The following THSD7A variants were observed in gnomAD, a reference collection of about 807,000 sequenced individuals.
THSD7A encodes thrombospondin type 1 domain containing 7A, also known as thrombospondin type-1 domain-containing protein 7A.
A neutral mutation model predicts 231.3 loss-of-function variants in THSD7A; 96 were observed. That is an observed-to-expected ratio of 0.41 (90% CI 0.35 to 0.49). THSD7A has a LOEUF of 0.49. Ranked by LOEUF, THSD7A falls within the 20% of genes least tolerant of loss-of-function variation. THSD7A has a pLI of 0.05. For synonymous variants in THSD7A, 940 were observed against 743.3 expected, an observed-to-expected ratio of 1.26 and a Z score of -4.30; for missense variants, 2,290 against 2,070.2, an observed-to-expected ratio of 1.11 and a Z score of -2.06.
At chr7:11,816,847 G>T (rs113011079) in intron 1 of THSD7A, among the ~76,000 whole-genome samples, 3 of 152,192 alleles carry the variant, frequency 2.0e-5, no homozygotes, top group African/African-American at 7.2e-5. Flanking sequence ...ATGAAGTCCT[G>T]TGTGATAATT....
chr7:11,425,670 TAAATA>T (rs1784294312), intron 15 of THSD7A, among the ~76,000 whole-genome samples: 1 of 151,782 alleles, frequency 6.6e-6, no homozygotes, highest in South Asian at 2.1e-4. Context: ...ACTCAAGCAT[TAAATA>T]AAATTCTTTG....
intron 6 of THSD7A, among the ~76,000 whole-genome samples, chr7:11,520,573 T>G (rs1440384584): frequency 6.6e-6 from 1 of 152,194 alleles, no homozygotes; most frequent in Non-Finnish European, 1.5e-5. Flanking sequence ...CATGCAAATA[T>G]CAAGTGCTTG....
rs187940847 is a variant in THSD7A, at chr7:11,392,349, C to T, written c.4411+9446G>A. ...CCATGAGGAATGGTGCATTCCGGCC[C>T]AGATACTATGCTTTTCTCATGGTCT... On this transcript the variant is annotated intron_variant, in intron 23 of 27. Transcript: ENST00000423059. 3.5e-3 allele frequency among the ~76,000 whole-genome samples: 529 copies of T among 152,194 alleles called. 10 individuals are homozygous for T. Among genetic ancestry groups the T allele is most frequent in the Non-Finnish European group, 2.6e-3 (179 of 68,018 alleles).
At chr7:11,715,488 A>G (rs1363927135) in intron 1 of THSD7A, among the ~76,000 whole-genome samples, 2 of 151,526 alleles carry the variant, frequency 1.3e-5, no homozygotes, top group East Asian at 3.9e-4. Flanking sequence ...AACTAGTTAG[A>G]AATAGATATA....
At chr7:11,520,276 TTGTC>T (rs901370668) in intron 6 of THSD7A, 3 of 152,206 alleles carry the variant, frequency 2.0e-5, no homozygotes, top group African/African-American at 7.2e-5. Context: ...TGCTAGTTCT[TTGTC>T]TGCAAAATGG....
At chr7:11,788,451 T>A (rs777188254) in intron 1 of THSD7A, among the ~76,000 whole-genome samples, 15 of 152,048 alleles carry the variant, frequency 9.9e-5, no homozygotes, top group Non-Finnish European at 2.2e-4. Flanking sequence ...TCATGCCCAT[T>A]TTGTTTCCTG....
At chr7:11,595,312 G>A (rs576284893) in intron 2 of THSD7A, among the ~76,000 whole-genome samples, 1 of 152,266 alleles carries the variant, frequency 6.6e-6, no homozygotes, top group South Asian at 2.1e-4. Context: ...AATATAAACA[G>A]AAATCTGCAG....
At chr7:11,472,726 T>C (rs1189258326) in intron 8 of THSD7A, among the ~76,000 whole-genome samples, 1 of 152,140 alleles carries the variant, frequency 6.6e-6, no homozygotes, top group Non-Finnish European at 1.5e-5. Flanking sequence ...CATCCATTAC[T>C]CAGGAAAAAT....
intron 1 of THSD7A, among the ~76,000 whole-genome samples, chr7:11,745,810 G>A (rs1282649008): frequency 6.6e-6 from 1 of 152,018 alleles, no homozygotes. Context: ...CTATATCTCT[G>A]TTTTGGTACC....
At chr7:11,529,681 G>C (rs567943349) in intron 6 of THSD7A, among the ~76,000 whole-genome samples, 5 of 152,098 alleles carry the variant, frequency 3.3e-5, no homozygotes, top group Non-Finnish European at 7.4e-5. Flanking sequence ...AGTTTTCTGA[G>C]TGAGGCCTCT....
At chr7:11,573,006 G>A (rs1790714056) in intron 4 of THSD7A, among the ~76,000 whole-genome samples, 1 of 152,030 alleles carries the variant, frequency 6.6e-6, no homozygotes, top group Non-Finnish European at 1.5e-5. Flanking sequence ...TTTAATTATT[G>A]GCAGATCCTA....
intron 1 of THSD7A, among the ~76,000 whole-genome samples, chr7:11,769,153 A>ATATTTTTTTTTTTTTTTTTTTTTTTTTTT: frequency 3.6e-5 from 1 of 27,648 alleles, no homozygotes; most frequent in Non-Finnish European, 7.0e-5. Context: ...ATATATATAT[A>ATATTTTTTTTTTTTTTTTTTTTTTTTTTT]TTTTTTTTTT....
At chr7:11,767,921 G>C (rs1266627056) in intron 1 of THSD7A, among the ~76,000 whole-genome samples, 2 of 152,118 alleles carry the variant, frequency 1.3e-5, no homozygotes, top group Non-Finnish European at 2.9e-5. Context: ...ATGACTTTAA[G>C]ACATCATAGA....
intron 1 of THSD7A, among the ~76,000 whole-genome samples, chr7:11,701,491 AAAAT>A (rs1293559474): frequency 2.9e-4 from 44 of 151,382 alleles, no homozygotes; most frequent in African/African-American, 1.0e-3. Flanking sequence ...TCAAAAATAG[AAAAT>A]AAATAAACAT....
At chr7:11,572,986 T>A (rs748376500) in intron 4 of THSD7A, among the ~76,000 whole-genome samples, 1 of 152,226 alleles carries the variant, frequency 6.6e-6, no homozygotes, top group African/African-American at 2.4e-5. Context: ...AGTTTTGTTC[T>A]GTCAAACAGT....
chr7:11,641,373 A>G (rs1489574360), intron 1 of THSD7A, among the ~76,000 whole-genome samples: 3 of 152,124 alleles, frequency 2.0e-5, no homozygotes, highest in Admixed American at 6.6e-5. Context: ...TTAATATCCC[A>G]GGCATTATAT....
intron 6 of THSD7A, among the ~76,000 whole-genome samples, chr7:11,497,308 T>G (rs1212891101): frequency 6.6e-6 from 1 of 152,162 alleles, no homozygotes; most frequent in East Asian, 1.9e-4. Context: ...CAATTTAAAA[T>G]GAGATTTGGT....
At chr7:11,650,411 A>G (rs1782452454) in intron 1 of THSD7A, among the ~76,000 whole-genome samples, 1 of 152,080 alleles carries the variant, frequency 6.6e-6, no homozygotes, top group African/African-American at 2.4e-5. Context: ...GCATCCCAAG[A>G]TACCAAAAAA....
rs769448862 is a variant in THSD7A, at chr7:11,406,365, A to G, written c.4172T>C (p.Ile1391Thr). ...KVVDEEFCAD[I>T]ELIIDGNKNM... Reference sequence around the variant, plus strand: ...TTTATTACCATCTATAATGAGTTCAATGTCAGCACAGAATTCCTCATCCAC... The same window carrying G: ...TTTATTACCATCTATAATGAGTTCAGTGTCAGCACAGAATTCCTCATCCAC... Residue 1391 changes from isoleucine to threonine, a missense_variant, in exon 22 of 28, where the codon ATT (isoleucine) becomes ACT (threonine). By Grantham distance (89) the Ile-to-Thr change is moderately conservative. Transcript: ENST00000423059. The surrounding 1 kb of genome is among the most constrained non-coding windows in gnomAD (Gnocchi z 4.7). The G allele has an allele frequency of 9.9e-6, 16 of 1,613,988 alleles. No homozygotes were observed. The highest frequency in any genetic ancestry group is 1.7e-4 in the Middle Eastern group (1 of 6,058).
Sources: gnomAD v4.1 joint callset for allele counts (sites outside exome capture counted in the v4.1 genomes callset) on GRCh38, gnomAD v4.1.1 for gene constraint, Gnocchi (gnomAD v3.1) non-coding constraint, MANE v1.5 for transcripts, NCBI Gene and HGNC (gene_info 2026-07-23, HGNC 2026-07-21) for gene names.